CBFA2T2: variants seen among roughly 807,000 people sequenced by gnomAD.
CBFA2T2 encodes the protein CBFA2/RUNX1 partner transcriptional co-repressor 2.
A neutral mutation model predicts 62.2 loss-of-function variants in CBFA2T2; 11 were observed. That is an observed-to-expected ratio of 0.18 (90% CI 0.11 to 0.29). CBFA2T2 has a LOEUF of 0.29. Among genes scored for constraint, CBFA2T2 ranks in the 10% least tolerant of loss-of-function variants. The pLI is 1.00. For synonymous variants in CBFA2T2, 295 were observed against 287.5 expected (o/e 1.03, Z -0.27); for missense variants, 592 against 774.1 (o/e 0.76, Z 2.79).
intron 1 of CBFA2T2, among the ~76,000 whole-genome samples, chr20:33,549,054 G>A (rs1016392457): frequency 2.0e-5 from 3 of 152,096 alleles, no homozygotes; most frequent in Non-Finnish European, 4.4e-5. Flanking sequence ...GTGAAACCAC[G>A]GGAGTTCTAG....
intron 4 of CBFA2T2, 68 bp from the exon 5 acceptor site, chr20:33,623,047 A>C: frequency 6.8e-7 from 1 of 1,472,578 alleles, no homozygotes; most frequent in Admixed American, 1.8e-5. Context: ...GCTTTGTGAA[A>C]GCCCTTTGAG....
chr20:33,531,939 T>G (rs1428318327), intron 1 of CBFA2T2, among the ~76,000 whole-genome samples: 1 of 152,226 alleles, frequency 6.6e-6, no homozygotes, highest in Non-Finnish European at 1.5e-5. Flanking sequence ...TAATCATATC[T>G]TCACCTACTC....
chr20:33,631,308 C>G (rs1389880473), intron 8 of CBFA2T2, among the ~76,000 whole-genome samples: 2 of 152,142 alleles, frequency 1.3e-5, no homozygotes, highest in Non-Finnish European at 2.9e-5. Context: ...AGCAAGACTC[C>G]ATCTCAAAAA....
chr20:33,564,325 C>T (rs529760531), intron 1 of CBFA2T2, among the ~76,000 whole-genome samples: 18 of 149,588 alleles, frequency 1.2e-4, no homozygotes, highest in Admixed American at 1.1e-3. Context: ...TGCAGTGGCG[C>T]GGTCTCGGCT....
chr20:33,533,118 TA>T (rs148660560), intron 1 of CBFA2T2, among the ~76,000 whole-genome samples: 27 of 148,612 alleles, frequency 1.8e-4, no homozygotes, highest in East Asian at 9.8e-4. Flanking sequence ...ATTCTTTCAC[TA>T]AAAAAAAAAT....
rs544422492 is a variant in CBFA2T2, at chr20:33,648,981, G to C, written c.*4335G>C. ...TGCGTTTGAAGGTTCAGCACAGCTG[G>C]AATTGTACGGTAGTGAGCTCTTCAA... On this transcript the variant is annotated 3_prime_UTR_variant, in exon 11 of 11. Coordinates refer to ENST00000342704, the MANE Select transcript of CBFA2T2 (RefSeq NM_001032999.3). 6.6e-6 allele frequency: 1 copy of C among 152,166 alleles called. No individual in the cohort carries two copies. Among genetic ancestry groups the C allele is most frequent in the African/African-American group, 2.4e-5 (1 of 41,430 alleles). 9.4% of individuals were successfully genotyped at this position (152,166 alleles called of 1,614,324 possible). A position where few individuals can be genotyped will look rare whatever the true frequency, so the allele number is the denominator to read the frequency against.
chr20:33,571,317 A>G (rs1306954243), intron 1 of CBFA2T2, among the ~76,000 whole-genome samples: 1 of 152,194 alleles, frequency 6.6e-6, no homozygotes, highest in Non-Finnish European at 1.5e-5. Context: ...ATTTTCTCAC[A>G]TTTTGTACGC....
At chr20:33,558,087 A>G (rs1332541542) in intron 1 of CBFA2T2, among the ~76,000 whole-genome samples, 4 of 150,532 alleles carry the variant, frequency 2.7e-5, no homozygotes, top group African/African-American at 7.3e-5. Context: ...TCGGCCTTCC[A>G]AAGTGCTGGG....
chr20:33,561,456 C>T (rs1490645694), intron 1 of CBFA2T2, among the ~76,000 whole-genome samples: 1 of 152,092 alleles, frequency 6.6e-6, no homozygotes, highest in Non-Finnish European at 1.5e-5. Context: ...CAGGGAGGTC[C>T]GTTGGACCCT....
chr20:33,558,775 T>C (rs528183480), intron 1 of CBFA2T2, among the ~76,000 whole-genome samples: 13 of 152,060 alleles, frequency 8.5e-5, no homozygotes, highest in Non-Finnish European at 1.9e-4. Context: ...TATTTTGTCA[T>C]TTACTAGTTG....
chr20:33,555,639 G>A (rs1600965241), intron 1 of CBFA2T2, among the ~76,000 whole-genome samples: 2 of 152,106 alleles, frequency 1.3e-5, no homozygotes, highest in South Asian at 4.1e-4. Context: ...GAAATCAAAG[G>A]CATTTTCTTA....
intron 2 of CBFA2T2, among the ~76,000 whole-genome samples, chr20:33,607,345 A>G (rs2015379083): frequency 6.6e-6 from 1 of 152,146 alleles, no homozygotes; most frequent in Non-Finnish European, 1.5e-5. Context: ...GCTGGTAACT[A>G]TTTTTATTTC....
chr20:33,565,068 C>T (rs377139368), intron 1 of CBFA2T2, among the ~76,000 whole-genome samples: 10 of 152,038 alleles, frequency 6.6e-5, no homozygotes, highest in African/African-American at 1.9e-4. Flanking sequence ...TACAGGCACC[C>T]GCCACCACAC....
rs879830332 is a variant in CBFA2T2, at chr20:33,575,944, AT to A, written c.35-30999del. Among the ~76,000 whole-genome samples the A allele has an allele frequency of 3.7e-3, 529 of 144,014 alleles. 1 individual carries two copies. The highest frequency in any genetic ancestry group is 6.4e-3 in the African/African-American group (254 of 39,554). 94.5% of individuals were successfully genotyped at this position (144,014 alleles called of 152,430 possible). ...AGGCGCCAGCCACCACGCCTGGCTAATTTTTTTTTTTTTAATGTATTTTTAG... is the reference window on the plus strand; with the variant it reads ...AGGCGCCAGCCACCACGCCTGGCTAATTTTTTTTTTTTAATGTATTTTTAG... On this transcript the variant is annotated intron_variant, in intron 1 of 10. Transcript: ENST00000342704.
chr20:33,610,472 C>T (rs968437966), intron 2 of CBFA2T2, among the ~76,000 whole-genome samples: 1 of 152,126 alleles, frequency 6.6e-6, no homozygotes, highest in Non-Finnish European at 1.5e-5. Context: ...CAGGAAGATG[C>T]TTTATTGAAT....
chr20:33,570,161 A>T (rs2013491175), intron 1 of CBFA2T2, among the ~76,000 whole-genome samples: 1 of 152,190 alleles, frequency 6.6e-6, no homozygotes, highest in Admixed American at 6.5e-5. Flanking sequence ...CATGCCTGTA[A>T]TCCCAGCTAC....
At chr20:33,616,746 A>G (rs900597597) in intron 3 of CBFA2T2, among the ~76,000 whole-genome samples, 3 of 151,908 alleles carry the variant, frequency 2.0e-5, no homozygotes, top group African/African-American at 7.3e-5. Flanking sequence ...AAAAAGATGT[A>G]AGCATTGGAG....
At position 33,647,587 on chromosome 20, in the gene CBFA2T2, A is replaced by G. The variant is rs1252633668; in HGVS notation, c.*2941A>G. On this transcript the variant is annotated 3_prime_UTR_variant, in exon 11 of 11. Transcript: ENST00000342704. ...GCATGAGCCACTGTGTCCGGTCTTG[A>G]GCAGGTTTTTAAAATCTCCAGTGGC... 6.6e-6 allele frequency: 1 copy of G among 152,200 alleles called. No individual in the cohort carries two copies. The highest frequency in any genetic ancestry group is 1.9e-4 in the East Asian group (1 of 5,198). 9.4% of individuals were successfully genotyped at this position (152,200 alleles called of 1,614,324 possible). A position where few individuals can be genotyped will look rare whatever the true frequency, so the allele number is the denominator to read the frequency against.
chr20:33,504,364 G>A (rs2011362489), intron 1 of CBFA2T2, among the ~76,000 whole-genome samples: 1 of 150,728 alleles, frequency 6.6e-6, no homozygotes, highest in Non-Finnish European at 1.5e-5. Context: ...AAATACCTAG[G>A]CATGGGATTG....
Sources: allele counts gnomAD v4.1 joint callset (sites outside exome capture counted in the v4.1 genomes callset), GRCh38; gene constraint gnomAD v4.1.1; transcripts MANE v1.5; gene names NCBI Gene and HGNC (gene_info 2026-07-23, HGNC 2026-07-21).